The following GPC6 variants were observed in gnomAD, a reference collection of about 807,000 sequenced individuals.
GPC6 encodes the protein glypican 6.
GPC6 carries 14 observed loss-of-function variants against 55.2 expected under a neutral mutation model. The ratio of observed to expected loss-of-function variants is 0.25; its 90% CI spans 0.17 to 0.40. The LOEUF (loss-of-function observed/expected upper bound fraction) is 0.40. Among genes scored for constraint, GPC6 ranks in the 10% least tolerant of loss-of-function variants. The pLI, the probability that GPC6 is intolerant of heterozygous loss-of-function variation, is 1.00. For synonymous variants in GPC6, 278 were observed against 259.6 expected (o/e 1.07, Z -0.68); for missense variants, 641 against 708.5 (o/e 0.90, Z 1.08).
chr13:94,262,555 C>T (rs1029818223), intron 4 of GPC6, among the ~76,000 whole-genome samples: 1 of 151,956 alleles, frequency 6.6e-6, no homozygotes, highest in East Asian at 1.9e-4. Flanking sequence ...CACCTATAGT[C>T]CCAGCTGCTT....
At chr13:93,509,153 T>C (rs1880847236) in intron 1 of GPC6, among the ~76,000 whole-genome samples, 1 of 152,136 alleles carries the variant, frequency 6.6e-6, no homozygotes, top group African/African-American at 2.4e-5. Context: ...TTAAAATCAT[T>C]TGAGTTATCC....
rs568020376 is a variant in GPC6 at position 94,307,934 on chromosome 13, G to A, written c.1152+1811G>A. On this transcript the variant is annotated intron_variant, in intron 6 of 8. Coordinates refer to ENST00000377047, the MANE Select transcript of GPC6 (RefSeq NM_005708.5). ...TAAGAACAGGAGTACAGTGTGAGAT[G>A]AATAAGTTCTAAAGATCTGAGGTAC... 1.8e-3 allele frequency among the ~76,000 whole-genome samples: 275 copies of A among 152,176 alleles called. 1 individual carries two copies. The highest frequency in any genetic ancestry group is 7.9e-3 in the South Asian group (38 of 4,820).
chr13:93,647,516 T>G (rs940510392), intron 2 of GPC6, among the ~76,000 whole-genome samples: 5 of 152,152 alleles, frequency 3.3e-5, no homozygotes, highest in Admixed American at 3.3e-4. Flanking sequence ...AGGGAACTCA[T>G]GAGAACTAAG....
At chr13:94,319,426 G>A (rs1876706657) in intron 6 of GPC6, among the ~76,000 whole-genome samples, 1 of 152,050 alleles carries the variant, frequency 6.6e-6, no homozygotes, top group Non-Finnish European at 1.5e-5. Context: ...CTTATGTTGT[G>A]TGTGTTTTAC....
intron 1 of GPC6, among the ~76,000 whole-genome samples, chr13:93,488,358 C>G (rs1879813985): frequency 2.0e-5 from 3 of 152,172 alleles, no homozygotes; most frequent in African/African-American, 2.4e-5. Context: ...TTTTCTTAAT[C>G]TAGTCTATCA....
intron 2 of GPC6, among the ~76,000 whole-genome samples, chr13:93,589,536 T>G (rs1877365016): frequency 6.6e-6 from 1 of 152,336 alleles, no homozygotes; most frequent in Admixed American, 6.5e-5. Context: ...TAAATTTTAA[T>G]GAAGCAGCGC....
chr13:93,756,620 G>C (rs1046882015), intron 2 of GPC6, among the ~76,000 whole-genome samples: 1 of 152,178 alleles, frequency 6.6e-6, no homozygotes, highest in Admixed American at 6.6e-5. Context: ...GCATGAGAAT[G>C]CTGCTTAATT....
intron 3 of GPC6, among the ~76,000 whole-genome samples, chr13:93,852,854 G>T (rs956508117): frequency 2.0e-5 from 3 of 151,532 alleles, no homozygotes; most frequent in African/African-American, 7.3e-5. Flanking sequence ...TTATTGGCTA[G>T]TATCATTCCC....
chr13:93,793,992 C>A (rs542225773), intron 2 of GPC6, among the ~76,000 whole-genome samples: 1 of 152,252 alleles, frequency 6.6e-6, no homozygotes, highest in East Asian at 1.9e-4. Flanking sequence ...ATGGATCATG[C>A]CCGTGTTTGT....
At chr13:94,399,193 G>C (rs1315213316) in intron 8 of GPC6, among the ~76,000 whole-genome samples, 1 of 152,154 alleles carries the variant, frequency 6.6e-6, no homozygotes, top group African/African-American at 2.4e-5. Context: ...GATAGTGTCT[G>C]GTGGGTAGAT....
intron 1 of GPC6, among the ~76,000 whole-genome samples, chr13:93,466,607 T>C (rs1878912592): frequency 6.6e-6 from 1 of 152,196 alleles, no homozygotes; most frequent in Admixed American, 6.5e-5. Flanking sequence ...TGAGTGTGAT[T>C]GTTTAACAAA....
chr13:93,500,711 G>A (rs72640597), intron 1 of GPC6, among the ~76,000 whole-genome samples: 23,038 of 152,052 alleles, frequency 0.15, 2,298 homozygotes, highest in Middle Eastern at 0.25. Flanking sequence ...TCTTGTTCTT[G>A]CACCATGAGA....
At chr13:93,818,354 A>G (rs1313137160) in intron 2 of GPC6, 1 of 152,102 alleles carries the variant, frequency 6.6e-6, no homozygotes, top group African/African-American at 2.4e-5. Context: ...CTTAGCTTTC[A>G]ATTAAGATGT....
At chr13:93,402,231 C>T (rs1225795247) in intron 1 of GPC6, among the ~76,000 whole-genome samples, 2 of 152,148 alleles carry the variant, frequency 1.3e-5, no homozygotes, top group African/African-American at 2.4e-5. Flanking sequence ...TGAACCATTA[C>T]TGCTTTTTTT....
chr13:93,674,763 G>T (rs1358403971), intron 2 of GPC6, among the ~76,000 whole-genome samples: 4 of 152,112 alleles, frequency 2.6e-5, no homozygotes, highest in Non-Finnish European at 2.9e-5. Flanking sequence ...GCCTTATCAA[G>T]GTGTTTTAGC....
chr13:94,207,276 GC>G (rs1889933597), intron 4 of GPC6, among the ~76,000 whole-genome samples: 1 of 152,042 alleles, frequency 6.6e-6, no homozygotes, highest in African/African-American at 2.4e-5. Context: ...TTACTATACC[GC>G]ACTAAGACAA....
At chr13:93,291,132 A>T (rs952543329) in intron 1 of GPC6, among the ~76,000 whole-genome samples, 2 of 152,202 alleles carry the variant, frequency 1.3e-5, no homozygotes, top group Non-Finnish European at 2.9e-5. Context: ...TGTAGGTTGA[A>T]GCAGGCAGAC....
In GPC6 at chr13:93,882,822, G is replaced by A. The variant is rs74111030; in HGVS notation, c.711+52277G>A. ...TGTAAACCAGTTCTTTCTGACACCTGCAGTGAATTACCATAAACCTCATGG... is the reference window on the plus strand; with the variant it reads ...TGTAAACCAGTTCTTTCTGACACCTACAGTGAATTACCATAAACCTCATGG... On this transcript the variant is annotated intron_variant, in intron 3 of 8. Coordinates refer to ENST00000377047, the MANE Select transcript of GPC6 (RefSeq NM_005708.5). Among the ~76,000 whole-genome samples, 1,371 of 151,782 alleles carry A rather than the reference G, an allele frequency of 9.0e-3. 25 individuals carry two copies. The highest frequency in any genetic ancestry group is 0.031 in the African/African-American group (1,287 of 41,382).
chr13:93,489,941 T>C (rs1279151191), intron 1 of GPC6, among the ~76,000 whole-genome samples: 3 of 151,498 alleles, frequency 2.0e-5, no homozygotes, highest in African/African-American at 7.2e-5. Context: ...CCTCTTTTCC[T>C]AATTGAATAC....
Sources: allele counts gnomAD v4.1 joint callset (sites outside exome capture counted in the v4.1 genomes callset), GRCh38; gene constraint gnomAD v4.1.1; transcripts MANE v1.5; gene names NCBI Gene and HGNC (gene_info 2026-07-23, HGNC 2026-07-21).